The following PKP4 variants were observed in gnomAD, a reference collection of about 807,000 sequenced individuals.
PKP4 encodes plakophilin-4.
PKP4 carries 90 observed loss-of-function variants against 145.1 expected under a neutral mutation model. The ratio of observed to expected loss-of-function variants is 0.62; its 90% CI spans 0.52 to 0.74. PKP4 has a LOEUF of 0.74. Among genes scored for constraint, PKP4 ranks in the 30% least tolerant of loss-of-function variants. The pLI is 0.00. For synonymous variants in PKP4, 563 were observed against 577.2 expected (o/e 0.98, Z 0.35); for missense variants, 1,340 against 1,482.7 (o/e 0.90, Z 1.58).
At chr2:158,618,967 C>G (rs1450081151) in intron 4 of PKP4, among the ~76,000 whole-genome samples, 1 of 152,100 alleles carries the variant, frequency 6.6e-6, no homozygotes, top group African/African-American at 2.4e-5. Flanking sequence ...GAACATTTTT[C>G]CATGTATGTG....
chr2:158,630,926 T>TTTGTTTGTTTGTTTG (rs1574868630), intron 7 of PKP4, among the ~76,000 whole-genome samples: 1 of 151,112 alleles, frequency 6.6e-6, no homozygotes, highest in Non-Finnish European at 1.5e-5. Flanking sequence ...GAGAAAGTGT[T>TTTGTTTGTTTGTTTG]TTTGTTTGTT....
chr2:158,585,006 T>C (rs967219548), intron 3 of PKP4, among the ~76,000 whole-genome samples: 2 of 152,164 alleles, frequency 1.3e-5, no homozygotes, highest in Non-Finnish European at 2.9e-5. Flanking sequence ...TTTATTTATA[T>C]TGAAGTAAAA....
intron 1 of PKP4, among the ~76,000 whole-genome samples, chr2:158,512,414 C>A (rs901580456): frequency 2.0e-5 from 3 of 152,164 alleles, no homozygotes; most frequent in Non-Finnish European, 2.9e-5. Context: ...TGAGCACAGC[C>A]ATTGCACAGC....
chr2:158,642,954 T>G (rs1167348344), intron 11 of PKP4, among the ~76,000 whole-genome samples: 1 of 152,238 alleles, frequency 6.6e-6, no homozygotes, highest in African/African-American at 2.4e-5. Flanking sequence ...GTCTTTTTCA[T>G]GGAGGACTAA....
At chr2:158,632,106 G>A (rs1272494523) in intron 8 of PKP4, among the ~76,000 whole-genome samples, 165 bp downstream of exon 8, 1 of 152,146 alleles carries the variant, frequency 6.6e-6, no homozygotes, top group Non-Finnish European at 1.5e-5. Context: ...GGTTCATTTA[G>A]TACCTATTTA....
At chr2:158,511,394 AAAGTT>A (rs1328258423) in intron 1 of PKP4, among the ~76,000 whole-genome samples, 1 of 152,194 alleles carries the variant, frequency 6.6e-6, no homozygotes, top group Non-Finnish European at 1.5e-5. Flanking sequence ...TCAAAAAAAA[AAAGTT>A]AAGTTGGTGC....
intron 1 of PKP4, among the ~76,000 whole-genome samples, chr2:158,504,772 C>T (rs114208377): frequency 0.019 from 2,934 of 152,254 alleles, 41 homozygotes; most frequent in Non-Finnish European, 0.027. Flanking sequence ...CAGGAATTTC[C>T]AATACTCTGT....
chr2:158,608,762 T>A (rs1186607916), intron 4 of PKP4, among the ~76,000 whole-genome samples: 1 of 151,744 alleles, frequency 6.6e-6, no homozygotes, highest in Non-Finnish European at 1.5e-5. Flanking sequence ...GAGTAGCAAA[T>A]TGAAAATTTA....
At chr2:158,463,426 A>AG (rs1690090978) in intron 1 of PKP4, among the ~76,000 whole-genome samples, 2 of 152,156 alleles carry the variant, frequency 1.3e-5, no homozygotes, top group African/African-American at 4.8e-5. Flanking sequence ...AAAAAAAAAA[A>AG]AAGGATATTT....
chr2:158,537,129 G>T (rs3771597), intron 2 of PKP4, among the ~76,000 whole-genome samples: 2 of 152,168 alleles, frequency 1.3e-5, no homozygotes, highest in African/African-American at 2.4e-5. Context: ...CTGTAGCCAC[G>T]TTCACAGAAA....
At chr2:158,528,652 A>G (rs2043202067) in intron 1 of PKP4, among the ~76,000 whole-genome samples, 2 of 137,266 alleles carry the variant, frequency 1.5e-5, no homozygotes, top group Admixed American at 8.1e-5. Flanking sequence ...AAAAAAAAGA[A>G]AAGAAACTTA....
chr2:158,568,907 A>T (rs2047207259), intron 2 of PKP4, among the ~76,000 whole-genome samples: 1 of 152,126 alleles, frequency 6.6e-6, no homozygotes, highest in South Asian at 2.1e-4. Flanking sequence ...CCGGAGGCAG[A>T]GGTTGCAGTG....
intron 9 of PKP4, among the ~76,000 whole-genome samples, chr2:158,637,738 A>G (rs956309441): frequency 2.6e-5 from 4 of 152,198 alleles, no homozygotes; most frequent in African/African-American, 4.8e-5. Context: ...ATTCACTTTT[A>G]TAATTGTTTA....
At chr2:158,659,881 C>T (rs1378557549) in intron 12 of PKP4, 7 of 152,468 alleles carry the variant, frequency 4.6e-5, no homozygotes, top group East Asian at 3.9e-4. Context: ...TAGTGGGCCT[C>T]ATTTCTGGCT....
At chr2:158,495,540 A>T (rs1017327212) in intron 1 of PKP4, among the ~76,000 whole-genome samples, 4 of 150,780 alleles carry the variant, frequency 2.7e-5, no homozygotes, top group Non-Finnish European at 5.9e-5. Context: ...AACTATGTTT[A>T]AAAAAAAAGG....
chr2:158,477,860 A>G (rs1185983174), intron 1 of PKP4, among the ~76,000 whole-genome samples: 3 of 152,098 alleles, frequency 2.0e-5, no homozygotes, highest in Non-Finnish European at 2.9e-5. Context: ...TCATCTCTCA[A>G]AAAAAACCAA....
chr2:158,516,658 C>CTTT lies in PKP4; in HGVS notation c.-5-16506_-5-16504dup, dbSNP rs764067744. On this transcript the variant is annotated intron_variant, in intron 1 of 21. Transcript: ENST00000389759. ...CAAGTACACTGGATTATATACTTTT[C>CTTT]TTTTTTTTTTTTTTTTTTAAGACAG... 5.3e-5 allele frequency among the ~76,000 whole-genome samples: 7 copies of CTTT among 132,464 alleles called. No individual in the cohort carries two copies. The East Asian group carries it at 1.3e-3, about 24-fold the overall frequency. The allele number at this position is 132,464 out of a possible 152,430, so 86.9% of individuals were successfully genotyped here. A position where few individuals can be genotyped will look rare whatever the true frequency, so the allele number is the denominator to read the frequency against.
chr2:158,550,512 C>T (rs1348045327), intron 2 of PKP4, among the ~76,000 whole-genome samples: 1 of 152,204 alleles, frequency 6.6e-6, no homozygotes, highest in Non-Finnish European at 1.5e-5. Flanking sequence ...ACCCAACAAG[C>T]ACTTTACCAC....
intron 4 of PKP4, among the ~76,000 whole-genome samples, chr2:158,613,513 A>G (rs1012990284): frequency 2.6e-5 from 4 of 152,200 alleles, no homozygotes; most frequent in African/African-American, 7.2e-5. Context: ...TTAAAGTTCC[A>G]TTATTCAGAA....
Sources: allele counts gnomAD v4.1 joint callset (sites outside exome capture counted in the v4.1 genomes callset), GRCh38; gene constraint gnomAD v4.1.1; transcripts MANE v1.5; gene names NCBI Gene and HGNC (gene_info 2026-07-23, HGNC 2026-07-21).